COL24A1: variants seen among roughly 807,000 people sequenced by gnomAD.
The protein encoded by COL24A1 is collagen type XXIV alpha 1 chain.
COL24A1 carries 224 observed loss-of-function variants against 253.9 expected under a neutral mutation model. The ratio of observed to expected loss-of-function variants is 0.88; its 90% CI spans 0.79 to 0.99. COL24A1 has a LOEUF of 0.99. Ranked by LOEUF, COL24A1 falls within the 50% of genes least tolerant of loss-of-function variation. The pLI is 0.00. For synonymous variants in COL24A1, 685 were observed against 673.7 expected (o/e 1.02, Z -0.26); for missense variants, 2,131 against 2,068.5 (o/e 1.03, Z -0.59).
At chr1:86,150,569 CT>C (rs567424019) in intron 1 of COL24A1, among the ~76,000 whole-genome samples, 10 of 151,966 alleles carry the variant, frequency 6.6e-5, no homozygotes, top group African/African-American at 2.4e-4. Flanking sequence ...TAGCCTTCTT[CT>C]TTTTTTTCTT....
intron 55 of COL24A1, among the ~76,000 whole-genome samples, chr1:85,747,313 C>T (rs1337643046): frequency 6.6e-6 from 1 of 151,736 alleles, no homozygotes; most frequent in Non-Finnish European, 1.5e-5. Flanking sequence ...GGAGTTTCAC[C>T]ATGTTGGCCA....
At chr1:85,767,375 T>A (rs1399165221) in intron 53 of COL24A1, among the ~76,000 whole-genome samples, 1 of 152,150 alleles carries the variant, frequency 6.6e-6, no homozygotes, top group Non-Finnish European at 1.5e-5. Flanking sequence ...AACAAACTGG[T>A]AGAATGTACT....
At chr1:85,792,076 CTT>C (rs2101676957) in intron 47 of COL24A1, among the ~76,000 whole-genome samples, 1 of 152,204 alleles carries the variant, frequency 6.6e-6, no homozygotes, top group East Asian at 1.9e-4. Flanking sequence ...CAGTTTCTCT[CTT>C]CTTACATAAG....
chr1:86,136,066 C>G (rs892563186), intron 2 of COL24A1, among the ~76,000 whole-genome samples: 1 of 152,070 alleles, frequency 6.6e-6, no homozygotes, highest in African/African-American at 2.4e-5. Flanking sequence ...TCCAGGAGGA[C>G]TTCTGCAGCC....
intron 32 of COL24A1, among the ~76,000 whole-genome samples, chr1:85,888,846 A>G (rs1299302318): frequency 1.3e-5 from 2 of 152,140 alleles, no homozygotes; most frequent in African/African-American, 4.8e-5. Context: ...GCCACCTGTA[A>G]ACCTTTGTGT....
chr1:85,954,695 A>T lies in COL24A1; in HGVS notation c.2562+6554T>A, dbSNP rs553575886. Among the ~76,000 whole-genome samples, 8 of 152,318 alleles carry T rather than the reference A, an allele frequency of 5.3e-5. No homozygotes were observed. The South Asian group carries it at 1.7e-3, about 32-fold the overall frequency. ...AATGTATCATGGATATACATTTCAT[A>T]TAAATTTCCATTGCCTGAGAAAAAT... On this transcript the variant is annotated intron_variant, in intron 24 of 59. Transcript: ENST00000370571.
intron 5 of COL24A1, among the ~76,000 whole-genome samples, chr1:86,095,408 G>A (rs768701195): frequency 5.1e-4 from 77 of 152,012 alleles, no homozygotes; most frequent in Non-Finnish European, 2.6e-4. Context: ...TCATGTTTTA[G>A]AATGGGAATT....
rs1703548029 is a variant in COL24A1 at position 86,092,253 on chromosome 1, G to A, written c.1653+14C>T. On this transcript the variant is annotated intron_variant, in intron 6 of 59. Coordinates refer to ENST00000370571, the MANE Select transcript of COL24A1 (RefSeq NM_152890.7). ...ATATATTACCATAATTTCATTTCAT[G>A]GTCAAATAATTACCTTTTCTCCAGG... 1.9e-6 allele frequency: 3 copies of A among 1,568,610 alleles called. No homozygotes were observed. Among genetic ancestry groups the A allele is most frequent in the Non-Finnish European group, 2.6e-6 (3 of 1,146,772 alleles).
At position 86,043,934 on chromosome 1, in the gene COL24A1, G is replaced by A. The variant is rs549465978; in HGVS notation, c.1950+2891C>T. On this transcript the variant is annotated intron_variant, in intron 12 of 59. Transcript: ENST00000370571. ...CACGTTCAGATTTCAGCATTTCCAG[G>A]TTTCTATCACATTCAAATGTATAGG... Among the ~76,000 whole-genome samples the A allele has an allele frequency of 3.3e-5, 5 of 152,242 alleles. No homozygotes were observed. In the South Asian group the frequency reaches 1.0e-3, roughly 32 times the overall value.
At chr1:85,790,953 T>G (rs1670211063) in intron 47 of COL24A1, among the ~76,000 whole-genome samples, 1 of 152,096 alleles carries the variant, frequency 6.6e-6, no homozygotes, top group Non-Finnish European at 1.5e-5. Flanking sequence ...CACAACAAAA[T>G]GAAAATGAGG....
chr1:85,823,745 A>G lies in COL24A1; in HGVS notation c.3682-7T>C. On this transcript the variant is annotated splice_polypyrimidine_tract_variant and splice_region_variant and intron_variant, in intron 43 of 59. Coordinates refer to ENST00000370571, the MANE Select transcript of COL24A1 (RefSeq NM_152890.7). Reference sequence around the variant, plus strand: ...CTGGTACACCCACATGGCCCTAGAAATAGAAAAGATTACATTATTAGAGTA... The same window carrying G: ...CTGGTACACCCACATGGCCCTAGAAGTAGAAAAGATTACATTATTAGAGTA... The G allele has an allele frequency of 6.2e-7, 1 of 1,612,898 alleles. No individual in the cohort carries two copies. Among genetic ancestry groups the G allele is most frequent in the Non-Finnish European group, 8.5e-7 (1 of 1,179,072 alleles).
intron 43 of COL24A1, among the ~76,000 whole-genome samples, chr1:85,831,024 G>T (rs1008531337): frequency 6.6e-6 from 1 of 152,110 alleles, no homozygotes; most frequent in Non-Finnish European, 1.5e-5. Flanking sequence ...TACGGTTTAA[G>T]TTTCAACTTC....
intron 5 of COL24A1, among the ~76,000 whole-genome samples, chr1:86,101,047 C>A (rs961581232): frequency 2.0e-5 from 3 of 151,910 alleles, no homozygotes; most frequent in Non-Finnish European, 4.4e-5. Flanking sequence ...CAGAAGTGTG[C>A]GTCTGGGCAT....
chr1:85,738,185 A>G (rs571903906), intron 57 of COL24A1, among the ~76,000 whole-genome samples: 4 of 152,214 alleles, frequency 2.6e-5, no homozygotes, highest in South Asian at 4.1e-4. Flanking sequence ...AATGAAGTAT[A>G]TGTGTATATT....
At chr1:85,878,497 G>T (rs1218714608) in intron 32 of COL24A1, among the ~76,000 whole-genome samples, 1 of 152,132 alleles carries the variant, frequency 6.6e-6, no homozygotes, top group Admixed American at 6.5e-5. Context: ...GGTTCATATT[G>T]GTTGCTTCAA....
chr1:86,017,163 A>AG lies in COL24A1; in HGVS notation c.2297dup (p.Pro767SerfsTer19). On this transcript the variant is annotated frameshift_variant, in exon 19 of 60. Coordinates refer to ENST00000370571, the MANE Select transcript of COL24A1 (RefSeq NM_152890.7). LOFTEE classifies it high-confidence loss of function. Reference sequence around the variant, plus strand: ...ACCAATATTTTACCTCTGGTCCTGGAGGGCCAGATGGTCCTTGGAGTCCTG... The same window carrying AG: ...ACCAATATTTTACCTCTGGTCCTGGAGGGGCCAGATGGTCCTTGGAGTCCTG... The AG allele has an allele frequency of 6.3e-7, 1 of 1,593,906 alleles. No individual in the cohort carries two copies. Among genetic ancestry groups the AG allele is most frequent in the Non-Finnish European group, 8.5e-7 (1 of 1,172,880 alleles).
chr1:85,879,886 A>G (rs1367935150), intron 32 of COL24A1, among the ~76,000 whole-genome samples: 1 of 152,166 alleles, frequency 6.6e-6, no homozygotes, highest in Non-Finnish European at 1.5e-5. Flanking sequence ...TCAAGGGTCA[A>G]TCGTACTTGT....
At position 86,125,023 on chromosome 1, in the gene COL24A1, T is replaced by G. The variant is rs781066723; in HGVS notation, c.1313A>C (p.Glu438Ala). 6.2e-7 allele frequency: 1 copy of G among 1,613,188 alleles called. No individual in the cohort carries two copies. Among genetic ancestry groups the G allele is most frequent in the Non-Finnish European group, 8.5e-7 (1 of 1,179,636 alleles). Residue 438 changes from glutamate to alanine, a missense_variant, in exon 3 of 60, where the codon GAG (glutamate) becomes GCG (alanine). Coordinates refer to ENST00000370571, the MANE Select transcript of COL24A1 (RefSeq NM_152890.7). The part of the protein sequence containing the change: ...LNTSLHRVTN[E>A]PSVDNHLDLR... ...ATCAAGGTGATTATCCACAGATGGC[T>G]CATTTGTCACTCTATGCAAGCTTGT...
chr1:86,069,657 A>AAGAGAG (rs142284997), intron 7 of COL24A1, among the ~76,000 whole-genome samples: 49,630 of 150,596 alleles, frequency 0.33, 8,459 homozygotes, highest in Middle Eastern at 0.48. Context: ...TGGCCCAGCA[A>AAGAGAG]AGAGAGAGAG....
Sources: allele counts gnomAD v4.1 joint callset (sites outside exome capture counted in the v4.1 genomes callset), GRCh38; gene constraint gnomAD v4.1.1; transcripts MANE v1.5; gene names NCBI Gene and HGNC (gene_info 2026-07-23, HGNC 2026-07-21).